STK3: variants seen among roughly 807,000 people sequenced by gnomAD.
STK3 encodes serine/threonine kinase 3, also known as serine/threonine-protein kinase 3.
STK3 carries 41 observed loss-of-function variants against 58.0 expected under a neutral mutation model. The ratio of observed to expected loss-of-function variants is 0.71; its 90% CI spans 0.55 to 0.92. STK3 has a LOEUF of 0.92. STK3 is among the 40% of genes least tolerant of loss of function. STK3 has a pLI of 0.00. For synonymous variants in STK3, 170 were observed against 191.0 expected (o/e 0.89, Z 0.91); for missense variants, 479 against 602.7 (o/e 0.79, Z 2.15).
intron 3 of STK3, among the ~76,000 whole-genome samples, chr8:98,752,171 G>A (rs192095866): frequency 6.6e-6 from 1 of 152,172 alleles, no homozygotes; most frequent in East Asian, 1.9e-4. Flanking sequence ...CAAAGCTGGT[G>A]GCATCACACT....
intron 3 of STK3, among the ~76,000 whole-genome samples, chr8:98,846,457 A>G (rs1353251199): frequency 6.6e-6 from 1 of 152,186 alleles, no homozygotes; most frequent in Non-Finnish European, 1.5e-5. Flanking sequence ...AGCAACTACT[A>G]TGTTCCAGAC....
chr8:98,501,889 C>CT (rs545021204), intron 10 of STK3, among the ~76,000 whole-genome samples: 199 of 152,034 alleles, frequency 1.3e-3, no homozygotes, highest in Non-Finnish European at 1.5e-3. Context: ...CCTATGCAGG[C>CT]TTTTTTTTGG....
intron 3 of STK3, among the ~76,000 whole-genome samples, chr8:98,851,008 G>A (rs548169582): frequency 7.2e-5 from 11 of 152,144 alleles, no homozygotes; most frequent in Non-Finnish European, 1.3e-4. Flanking sequence ...TAAGTCAGAA[G>A]CTCACCTGGC....
chr8:98,356,749 C>T, the STK3 span, among the ~76,000 whole-genome samples: 1 of 152,186 alleles, frequency 6.6e-6, no homozygotes, highest in African/African-American at 2.4e-5. Context: ...ATTTATTTGT[C>T]AATGTTTTTA....
chr8:98,645,817 CAGATAT>C (rs1353701586), intron 6 of STK3, among the ~76,000 whole-genome samples: 1 of 151,724 alleles, frequency 6.6e-6, no homozygotes, highest in Admixed American at 6.6e-5. Context: ...GATATAGATA[CAGATAT>C]AGATAGATAT....
At chr8:98,488,819 T>A (rs948535474) in intron 10 of STK3, among the ~76,000 whole-genome samples, 4 of 152,214 alleles carry the variant, frequency 2.6e-5, no homozygotes, top group Non-Finnish European at 4.4e-5. Flanking sequence ...GAAATATCGT[T>A]TTAGCCAGGC....
chr8:98,501,711 T>C (rs1379709410), intron 10 of STK3, among the ~76,000 whole-genome samples: 6 of 152,184 alleles, frequency 3.9e-5, no homozygotes, highest in Non-Finnish European at 8.8e-5. Flanking sequence ...GATCAGATGG[T>C]TGTAGATGTG....
chr8:98,754,149 A>T (rs1188703274), intron 3 of STK3, among the ~76,000 whole-genome samples: 2 of 152,242 alleles, frequency 1.3e-5, no homozygotes, highest in African/African-American at 4.8e-5. Context: ...TTGGGAATTG[A>T]AAGTATGTAT....
chr8:98,631,534 C>G (rs1387376136), intron 6 of STK3, among the ~76,000 whole-genome samples: 1 of 152,208 alleles, frequency 6.6e-6, no homozygotes, highest in Non-Finnish European at 1.5e-5. Flanking sequence ...CTATAAGTCA[C>G]CTTATTAGAC....
At chr8:98,846,863 A>G (rs992787601) in intron 3 of STK3, among the ~76,000 whole-genome samples, 2 of 148,586 alleles carry the variant, frequency 1.3e-5, no homozygotes, top group Non-Finnish European at 3.0e-5. Flanking sequence ...TCCTACACAC[A>G]CACACACACA....
rs145725870 is a variant in STK3 at position 98,787,376 on chromosome 8, A to G, written c.27-12557T>C. Among the ~76,000 whole-genome samples the G allele has an allele frequency of 8.6e-3, 1,304 of 151,886 alleles. 10 individuals are homozygous for G. Among genetic ancestry groups the G allele is most frequent in the African/African-American group, 0.03 (1,229 of 41,412 alleles). ...GGTTTTTGAATTAACCCAATCCAAC[A>G]AAGACAAAGGAAAAAGAATAAGAAA... On this transcript the variant is annotated intron_variant, in intron 1 of 10. Transcript: ENST00000419617.
At chr8:98,505,034 A>C (rs1048153266) in intron 10 of STK3, among the ~76,000 whole-genome samples, 2 of 152,198 alleles carry the variant, frequency 1.3e-5, no homozygotes, top group Admixed American at 1.3e-4. Context: ...CACCAATCAA[A>C]TGTAGATTTG....
At chr8:98,818,981 C>T (rs143345891) in intron 1 of STK3, among the ~76,000 whole-genome samples, 1,620 of 152,180 alleles carry the variant, frequency 0.011, 16 homozygotes, top group Admixed American at 0.049. Flanking sequence ...CCACCATGCC[C>T]GGCTAATTTT....
chr8:98,509,195 G>C (rs1824317538), intron 10 of STK3, among the ~76,000 whole-genome samples: 1 of 151,976 alleles, frequency 6.6e-6, no homozygotes, highest in South Asian at 2.1e-4. Context: ...AATATATTTA[G>C]ACAGAATTAA....
At chr8:98,664,920 A>G (rs573444123) in intron 6 of STK3, among the ~76,000 whole-genome samples, 1 of 152,084 alleles carries the variant, frequency 6.6e-6, no homozygotes, top group African/African-American at 2.4e-5. Context: ...AAAAAAAAGT[A>G]TCTAGGTATA....
At chr8:98,753,375 A>G (rs1439200463) in intron 3 of STK3, among the ~76,000 whole-genome samples, 1 of 152,230 alleles carries the variant, frequency 6.6e-6, no homozygotes, top group African/African-American at 2.4e-5. Context: ...ACAGGAACAG[A>G]AAACCAAATA....
chr8:98,410,950 G>T (rs1209663305), intron 3 of STK3, among the ~76,000 whole-genome samples: 7 of 152,122 alleles, frequency 4.6e-5, no homozygotes, highest in African/African-American at 1.7e-4. Context: ...GTGTATTCTT[G>T]ACAACAACAT....
chr8:98,917,128 G>A (rs193135186), intron 1 of STK3, among the ~76,000 whole-genome samples: 13 of 152,282 alleles, frequency 8.5e-5, no homozygotes, highest in Admixed American at 6.5e-4. Flanking sequence ...GAAAACAGAC[G>A]GAAACCAGTG....
chr8:98,357,367 GCCTTGAAGCTTAAT>G, the STK3 span, among the ~76,000 whole-genome samples: 1 of 152,180 alleles, frequency 6.6e-6, no homozygotes, highest in South Asian at 2.1e-4. Context: ...AAGAGATCAA[GCCTTGAAGCTTAAT>G]CCGATTCTCT....
Sources: allele counts gnomAD v4.1 joint callset (sites outside exome capture counted in the v4.1 genomes callset), GRCh38; gene constraint gnomAD v4.1.1; transcripts MANE v1.5; gene names NCBI Gene and HGNC (gene_info 2026-07-23, HGNC 2026-07-21).